REC114: variants seen among roughly 807,000 people sequenced by gnomAD.
REC114 encodes the protein REC114 meiotic recombination protein, also known as meiotic recombination protein REC114.
REC114 carries 27 observed loss-of-function variants against 31.3 expected under a neutral mutation model. The ratio of observed to expected loss-of-function variants is 0.86; its 90% CI spans 0.64 to 1.19. REC114 has a LOEUF of 1.19. Ranked by LOEUF, REC114 falls within the 50% of genes most tolerant of loss-of-function variation. The pLI, the probability that REC114 is intolerant of heterozygous loss-of-function variation, is 0.00. For missense variants in REC114, 344 were observed against 326.9 expected (o/e 1.05, Z -0.40); for synonymous variants, 134 against 127.7 (o/e 1.05, Z -0.33).
intron 2 of REC114, among the ~76,000 whole-genome samples, chr15:73,494,648 T>G (rs956997636): frequency 2.0e-5 from 3 of 152,220 alleles, no homozygotes; most frequent in Non-Finnish European, 4.4e-5. Context: ...TGACGTTTGG[T>G]TGTTCGTGGT....
chr15:73,523,253 C>T (rs1049821503), intron 2 of REC114, among the ~76,000 whole-genome samples: 8 of 151,764 alleles, frequency 5.3e-5, no homozygotes, highest in Non-Finnish European at 1.0e-4. Context: ...ATCAGGCAGC[C>T]CCTAGAATCA....
At chr15:73,554,184 ATAAGT>A (rs1357442987) in intron 4 of REC114, among the ~76,000 whole-genome samples, 1 of 152,226 alleles carries the variant, frequency 6.6e-6, no homozygotes. Context: ...AGAGCAGATG[ATAAGT>A]TAAAGCCATT....
chr15:73,476,774 A>G (rs1226758484), intron 2 of REC114, among the ~76,000 whole-genome samples: 1 of 152,190 alleles, frequency 6.6e-6, no homozygotes, highest in Non-Finnish European at 1.5e-5. Flanking sequence ...TTGCTTATCC[A>G]TTCAACTTTT....
intron 1 of REC114, among the ~76,000 whole-genome samples, chr15:73,453,178 T>G (rs914266400): frequency 1.3e-5 from 2 of 152,078 alleles, no homozygotes; most frequent in Admixed American, 1.3e-4. Flanking sequence ...AAAGAAACTA[T>G]CATCAGAGTG....
At chr15:73,446,969 T>A (rs1333842208) in intron 1 of REC114, among the ~76,000 whole-genome samples, 1 of 152,200 alleles carries the variant, frequency 6.6e-6, no homozygotes, top group Non-Finnish European at 1.5e-5. Context: ...AGGCAAGAGA[T>A]GATGATGGCT....
At chr15:73,476,859 G>T (rs1241919337) in intron 2 of REC114, among the ~76,000 whole-genome samples, 1 of 152,162 alleles carries the variant, frequency 6.6e-6, no homozygotes, top group Non-Finnish European at 1.5e-5. Flanking sequence ...ACGAGCCTTT[G>T]GGCATGTTTT....
intron 2 of REC114, among the ~76,000 whole-genome samples, chr15:73,515,329 A>G (rs1172731188): frequency 6.6e-6 from 1 of 152,222 alleles, no homozygotes; most frequent in African/African-American, 2.4e-5. Context: ...CCAACAGAAC[A>G]ATCATATGAT....
chr15:73,530,816 C>G (rs1409618701), intron 2 of REC114, among the ~76,000 whole-genome samples: 2 of 149,840 alleles, frequency 1.3e-5, no homozygotes, highest in Non-Finnish European at 2.9e-5. Flanking sequence ...GAGTCAGAAA[C>G]ACAACCCTGA....
At chr15:73,549,777 G>A (rs888949125) in intron 3 of REC114, among the ~76,000 whole-genome samples, 4 of 152,100 alleles carry the variant, frequency 2.6e-5, no homozygotes, top group African/African-American at 7.2e-5. Context: ...AATATAAAGA[G>A]TACCAAATAC....
At chr15:73,552,917 C>G (rs1894411980) in intron 4 of REC114, among the ~76,000 whole-genome samples, 1 of 152,168 alleles carries the variant, frequency 6.6e-6, no homozygotes, top group South Asian at 2.1e-4. Flanking sequence ...CAGGTTCAAG[C>G]CATTCTCCTG....
At chr15:73,450,069 A>C (rs535001692) in intron 1 of REC114, among the ~76,000 whole-genome samples, 1 of 152,356 alleles carries the variant, frequency 6.6e-6, no homozygotes, top group African/African-American at 2.4e-5. Context: ...TGCTATGAAG[A>C]AACTGCATCA....
At chr15:73,547,518 A>G (rs561222595) in intron 3 of REC114, among the ~76,000 whole-genome samples, 2 of 152,324 alleles carry the variant, frequency 1.3e-5, no homozygotes, top group African/African-American at 4.8e-5. Context: ...TAGAGCTACC[A>G]TATGATCCAG....
At chr15:73,548,808 G>A (rs1345889611) in intron 3 of REC114, among the ~76,000 whole-genome samples, 1 of 152,104 alleles carries the variant, frequency 6.6e-6, no homozygotes, top group East Asian at 1.9e-4. Flanking sequence ...TGATAGACTA[G>A]AAAAAGAAAA....
At chr15:73,469,860 A>G (rs1159389349) in intron 1 of REC114, among the ~76,000 whole-genome samples, 1 of 151,392 alleles carries the variant, frequency 6.6e-6, no homozygotes, top group African/African-American at 2.4e-5. Flanking sequence ...AATTTTTTGT[A>G]TTTTTAGTAG....
chr15:73,484,501 C>T (rs1481891249), intron 2 of REC114, among the ~76,000 whole-genome samples: 4 of 152,290 alleles, frequency 2.6e-5, no homozygotes, highest in South Asian at 4.1e-4. Flanking sequence ...AAGTGGAATT[C>T]GTAACTCCTT....
At chr15:73,535,771 A>G (rs1369817418) in intron 2 of REC114, among the ~76,000 whole-genome samples, 8 of 150,432 alleles carry the variant, frequency 5.3e-5, no homozygotes, top group Non-Finnish European at 1.0e-4. Flanking sequence ...CCTGACTTCA[A>G]ACTATACTAC....
chr15:73,462,879 C>T (rs561488944), intron 1 of REC114, among the ~76,000 whole-genome samples: 1 of 109,814 alleles, frequency 9.1e-6, no homozygotes, highest in East Asian at 2.2e-4. Context: ...AGTGAGACTC[C>T]GTCTCAAAAA....
chr15:73,527,151 G>A (rs908721854), intron 2 of REC114, among the ~76,000 whole-genome samples: 3 of 152,128 alleles, frequency 2.0e-5, no homozygotes, highest in African/African-American at 7.2e-5. Flanking sequence ...TGTATTCAAT[G>A]AAGTCTCTCT....
At chr15:73,549,091 C>T (rs947862289) in intron 3 of REC114, among the ~76,000 whole-genome samples, 9 of 152,008 alleles carry the variant, frequency 5.9e-5, no homozygotes, top group East Asian at 5.8e-4. Context: ...ACCTGGGTGA[C>T]GCAATAATCT....
Sources: gnomAD v4.1 joint callset for allele counts (sites outside exome capture counted in the v4.1 genomes callset) on GRCh38, gnomAD v4.1.1 for gene constraint, MANE v1.5 for transcripts, NCBI Gene and HGNC (gene_info 2026-07-23, HGNC 2026-07-21) for gene names.